The following ARIH2 variants were observed in gnomAD, a reference collection of about 807,000 sequenced individuals.
ARIH2 encodes the protein E3 ubiquitin-protein ligase ARIH2.
A neutral mutation model predicts 79.8 loss-of-function variants in ARIH2; 12 were observed. The observed-to-expected ratio is 0.15, with a 90% confidence interval of 0.10 to 0.24. The LOEUF (loss-of-function observed/expected upper bound fraction) is 0.24, where lower values mean the gene tolerates loss of function less well. Ranked by LOEUF, ARIH2 falls within the 10% of genes least tolerant of loss-of-function variation. ARIH2 has a pLI of 1.00. For synonymous variants in ARIH2, 224 were observed against 213.9 expected (o/e 1.05, Z -0.41); for missense variants, 301 against 618.3 (o/e 0.49, Z 5.44).
intron 3 of ARIH2, among the ~76,000 whole-genome samples, chr3:48,941,865 G>C (rs2088321396): frequency 6.6e-6 from 1 of 150,994 alleles, no homozygotes; most frequent in African/African-American, 2.4e-5. Context: ...TTACAGGCGT[G>C]AGCCACCGCC....
chr3:48,925,073 G>A (rs2085366159), intron 2 of ARIH2: 1 of 151,276 alleles, frequency 6.6e-6, no homozygotes, highest in Non-Finnish European at 1.5e-5. Flanking sequence ...CAGGTGATCT[G>A]GCCACCTTGG....
intron 3 of ARIH2, among the ~76,000 whole-genome samples, chr3:48,954,159 G>A (rs1210083070): frequency 6.9e-6 from 1 of 143,938 alleles, no homozygotes; most frequent in African/African-American, 2.6e-5. Flanking sequence ...AGACTTTGTC[G>A]CAAAAAAAAG....
rs762094897 is a variant in ARIH2 at position 48,918,924 on chromosome 3, C to T, written c.-236C>T. On this transcript the variant is annotated 5_prime_UTR_variant, in exon 1 of 16. Transcript: ENST00000356401. ...CGCCGCCTCCGCTGCCGCTTCGCCC[C>T]AATCCGGTCCCTCTGGCCCGGCCTG... is the stretch of plus-strand genomic sequence containing the variant. 1.9e-6 allele frequency: 3 copies of T among 1,594,774 alleles called. No individual in the cohort carries two copies. The highest frequency in any genetic ancestry group is 1.7e-5 in the Admixed American group (1 of 57,938).
At chr3:48,973,238 TC>T (rs2092334886) in intron 8 of ARIH2, among the ~76,000 whole-genome samples, 1 of 152,050 alleles carries the variant, frequency 6.6e-6, no homozygotes, top group Admixed American at 6.5e-5. Flanking sequence ...GGTCAAGAGA[TC>T]AAGACTATCC....
chr3:48,978,362 C>T (rs1027891030), intron 11 of ARIH2, among the ~76,000 whole-genome samples: 5 of 148,048 alleles, frequency 3.4e-5, no homozygotes, highest in Non-Finnish European at 5.9e-5. Context: ...AACCAGTTCT[C>T]GTGCTTCAGC....
intron 1 of ARIH2, chr3:48,919,327 G>A: frequency 1.3e-6 from 1 of 763,738 alleles, no homozygotes; most frequent in Non-Finnish European, 1.8e-6. Context: ...CTCACCACTC[G>A]AGTCATCTTT....
At chr3:48,958,968 C>G (rs909011519) in intron 3 of ARIH2, among the ~76,000 whole-genome samples, 1 of 151,976 alleles carries the variant, frequency 6.6e-6, no homozygotes, top group South Asian at 2.1e-4. Context: ...TAGCCAAGAT[C>G]ATGCCACTGC....
chr3:48,952,868 A>G (rs1279364115), intron 3 of ARIH2, among the ~76,000 whole-genome samples: 5 of 152,204 alleles, frequency 3.3e-5, no homozygotes, highest in Non-Finnish European at 4.4e-5. Flanking sequence ...TTTGGCAACA[A>G]GGGAGTTTAT....
chr3:48,981,772 GGT>G (rs767248919), intron 14 of ARIH2, 44 bp downstream of exon 14: 1 of 1,526,480 alleles, frequency 6.6e-7, no homozygotes, highest in African/African-American at 1.4e-5. Flanking sequence ...TAGCCTCAAA[GGT>G]GCCCTTCTCT....
intron 7 of ARIH2, among the ~76,000 whole-genome samples, chr3:48,968,890 C>CT (rs915279111): frequency 1.3e-5 from 2 of 151,932 alleles, no homozygotes; most frequent in Non-Finnish European, 2.9e-5. Flanking sequence ...TGTGACCACT[C>CT]TTTTTTTTGC....
At chr3:48,935,188 G>A (rs532072681) in intron 3 of ARIH2, among the ~76,000 whole-genome samples, 3 of 152,124 alleles carry the variant, frequency 2.0e-5, no homozygotes, top group Admixed American at 6.5e-5. Flanking sequence ...AACCTACTAC[G>A]CCTCCTGTTA....
intron 3 of ARIH2, among the ~76,000 whole-genome samples, chr3:48,956,944 G>A (rs911469070): frequency 1.3e-5 from 2 of 151,726 alleles, no homozygotes; most frequent in Non-Finnish European, 2.9e-5. Flanking sequence ...AACTCCTGAC[G>A]TCAAGTGATC....
At chr3:48,962,542 C>G (rs1005770273) in intron 4 of ARIH2, among the ~76,000 whole-genome samples, 3 of 152,198 alleles carry the variant, frequency 2.0e-5, no homozygotes, top group South Asian at 2.1e-4. Context: ...GCACCTCCTC[C>G]TCTGCATCCT....
chr3:48,963,745 T>TA (rs2091511962), intron 4 of ARIH2, among the ~76,000 whole-genome samples: 1 of 152,210 alleles, frequency 6.6e-6, no homozygotes, highest in East Asian at 1.9e-4. Context: ...TTGTAAGACT[T>TA]AAAGTTTTGC....
At chr3:48,980,271 A>G (rs2092701686) in intron 12 of ARIH2, 82 bp from the exon 13 acceptor site, 1 of 1,435,682 alleles carries the variant, frequency 7.0e-7, no homozygotes, top group Non-Finnish European at 9.5e-7. Context: ...CCTGCCAGCA[A>G]GGTGTCTATC....
chr3:48,981,599 C>T (rs1215122987), intron 13 of ARIH2, 61 bp from the exon 14 acceptor site: 3 of 1,443,428 alleles, frequency 2.1e-6, no homozygotes, highest in Non-Finnish European at 2.9e-6. Flanking sequence ...GTAAGAGCCA[C>T]CTGAGATGCA....
Position 48,983,954 on chromosome 3 carries a change from T to C in ARIH2, c.*684T>C, listed in dbSNP as rs1276860183. ...TCTTGCCACGGGGTGTTGTTGTCTCTGGTGGTGCTGCATGTCTGTGGCTCA... is the reference window on the plus strand; with the variant it reads ...TCTTGCCACGGGGTGTTGTTGTCTCCGGTGGTGCTGCATGTCTGTGGCTCA... On this transcript the variant is annotated 3_prime_UTR_variant, in exon 16 of 16. Coordinates refer to ENST00000356401, the MANE Select transcript of ARIH2 (RefSeq NM_006321.4). 1.3e-5 allele frequency: 2 copies of C among 152,528 alleles called. No homozygotes were observed. Among genetic ancestry groups the C allele is most frequent in the Middle Eastern group, 3.4e-3 (1 of 296 alleles). 9.4% of individuals were successfully genotyped at this position (152,528 alleles called of 1,614,324 possible).
intron 3 of ARIH2, among the ~76,000 whole-genome samples, chr3:48,943,976 G>GT (rs2088743008): frequency 6.6e-6 from 1 of 152,224 alleles, no homozygotes; most frequent in South Asian, 2.1e-4. Context: ...ACTCTGTGCA[G>GT]TTCATTTGAT....
intron 3 of ARIH2, among the ~76,000 whole-genome samples, chr3:48,940,522 G>C (rs2087953877): frequency 6.6e-6 from 1 of 151,872 alleles, no homozygotes; most frequent in African/African-American, 2.4e-5. Flanking sequence ...CCTAAATGGA[G>C]GGACCGGCTG....
Sources: allele counts gnomAD v4.1 joint callset (sites outside exome capture counted in the v4.1 genomes callset), GRCh38; gene constraint gnomAD v4.1.1; transcripts MANE v1.5; gene names NCBI Gene and HGNC (gene_info 2026-07-23, HGNC 2026-07-21).